DPY19L4: variants seen among roughly 807,000 people sequenced by gnomAD.
The protein encoded by DPY19L4 is probable C-mannosyltransferase DPY19L4.
DPY19L4 carries 97 observed loss-of-function variants against 102.8 expected under a neutral mutation model. The observed-to-expected ratio is 0.94, with a 90% CI of 0.80 to 1.12. The LOEUF is 1.12. Ranked by LOEUF, DPY19L4 falls within the 50% of genes most tolerant of loss-of-function variation. The pLI, the probability that DPY19L4 is intolerant of heterozygous loss-of-function variation, is 0.00. For missense variants in DPY19L4, 815 were observed against 850.4 expected (o/e 0.96, Z 0.52); for synonymous variants, 252 against 283.1 (o/e 0.89, Z 1.10).
At chr8:94,759,799 G>C (rs995937653) in intron 7 of DPY19L4, among the ~76,000 whole-genome samples, 1 of 152,108 alleles carries the variant, frequency 6.6e-6, no homozygotes, top group Non-Finnish European at 1.5e-5. Flanking sequence ...CACTGTGCCC[G>C]GCCCATGTAC....
At chr8:94,766,509 G>C in intron 10 of DPY19L4, 103 bp from the exon 11 acceptor site, 1 of 1,006,012 alleles carries the variant, frequency 9.9e-7, no homozygotes, top group Non-Finnish European at 1.5e-6. Flanking sequence ...TCATATTTTT[G>C]TTTTGTAGTC....
intron 6 of DPY19L4, among the ~76,000 whole-genome samples, chr8:94,752,695 C>T (rs1161387559): frequency 1.6e-4 from 22 of 140,898 alleles, no homozygotes; most frequent in Non-Finnish European, 1.7e-4. Flanking sequence ...GATGGAGTCT[C>T]GCTCTGTCAC....
At chr8:94,746,681 C>T (rs1377345070) in intron 6 of DPY19L4, among the ~76,000 whole-genome samples, 1 of 152,124 alleles carries the variant, frequency 6.6e-6, no homozygotes, top group Admixed American at 6.5e-5. Context: ...AAATATAAAA[C>T]ATAAAACTAG....
chr8:94,776,969 A>C (rs1039213266), intron 13 of DPY19L4, among the ~76,000 whole-genome samples: 7 of 152,062 alleles, frequency 4.6e-5, no homozygotes, highest in Non-Finnish European at 8.8e-5. Context: ...GCTTCAAAAA[A>C]AAAAAAAAAA....
intron 6 of DPY19L4, among the ~76,000 whole-genome samples, chr8:94,751,849 G>GTCA (rs1811946718): frequency 6.6e-6 from 1 of 152,140 alleles, no homozygotes; most frequent in African/African-American, 2.4e-5. Context: ...TATTAATGGA[G>GTCA]TCATACAGCA....
chr8:94,739,838 G>T, intron 6 of DPY19L4, 48 bp downstream of exon 6: 1 of 1,595,724 alleles, frequency 6.3e-7, no homozygotes, highest in Non-Finnish European at 8.5e-7. Flanking sequence ...TGTGGCTGTA[G>T]TAGTCAGAGT....
intron 6 of DPY19L4, chr8:94,744,931 A>C (rs1025249974): frequency 4.5e-6 from 1 of 223,446 alleles, no homozygotes; most frequent in Non-Finnish European, 9.0e-6. Flanking sequence ...CTTTTTGTTT[A>C]TATTTTATTG....
rs1185062485 is a variant in DPY19L4 at position 94,789,906 on chromosome 8, C to T, written c.2168C>T (p.Ser723Phe). The T allele has an allele frequency of 6.3e-7, 1 of 1,589,674 alleles. No individual in the cohort carries two copies. Among genetic ancestry groups the T allele is most frequent in the South Asian group, 1.2e-5 (1 of 85,204 alleles). The change falls in exon 19 of 19, where the codon TCT becomes TTT. Residue 723 changes from serine to phenylalanine, a missense_variant. Ser to Phe is a radical substitution (Grantham distance 155). Coordinates refer to ENST00000414645, the MANE Select transcript of DPY19L4 (RefSeq NM_181787.3). ...YKINTVISFQS is the reference protein window; with the variant it reads ...YKINTVISFQF Reference sequence around the variant, plus strand: ...ATCAACACTGTGATATCCTTCCAGTCTTGAAAAATAACAGAGCCTTCATTT... The same window carrying T: ...ATCAACACTGTGATATCCTTCCAGTTTTGAAAAATAACAGAGCCTTCATTT...
At chr8:94,734,960 CTGCAATTAACT>C (rs1397845252) in intron 3 of DPY19L4, among the ~76,000 whole-genome samples, 1 of 152,182 alleles carries the variant, frequency 6.6e-6, no homozygotes, top group Non-Finnish European at 1.5e-5. Context: ...GCTCCCCTTT[CTGCAATTAACT>C]TATCAGGGAC....
At chr8:94,773,014 C>A (rs1300917321) in intron 13 of DPY19L4, among the ~76,000 whole-genome samples, 1 of 151,992 alleles carries the variant, frequency 6.6e-6, no homozygotes, top group Non-Finnish European at 1.5e-5. Context: ...GAGTTTGAAA[C>A]CAGCCTGGCC....
At chr8:94,773,398 T>C (rs1813018712) in intron 13 of DPY19L4, among the ~76,000 whole-genome samples, 1 of 152,176 alleles carries the variant, frequency 6.6e-6, no homozygotes, top group African/African-American at 2.4e-5. Flanking sequence ...AAACTAAATG[T>C]TTAATAGAAT....
chr8:94,764,717 A>ATAT (rs1298234292), intron 8 of DPY19L4, among the ~76,000 whole-genome samples: 7 of 29,326 alleles, frequency 2.4e-4, no homozygotes, highest in African/African-American at 5.6e-4. Flanking sequence ...ATATATATAT[A>ATAT]TTTTTTTTTT....
chr8:94,730,227 T>A (rs1433016202), intron 2 of DPY19L4, among the ~76,000 whole-genome samples: 1 of 152,180 alleles, frequency 6.6e-6, no homozygotes, highest in African/African-American at 2.4e-5. Context: ...ATCACCATTT[T>A]ACAAATGAAG....
chr8:94,738,331 A>G, intron 3 of DPY19L4, 38 bp from the exon 4 acceptor site: 2 of 1,299,886 alleles, frequency 1.5e-6, no homozygotes, highest in Non-Finnish European at 1.0e-6. Flanking sequence ...AAAAAAAAAA[A>G]AAATTAAATT....
chr8:94,780,464 G>A, intron 15 of DPY19L4, 49 bp downstream of exon 15: 1 of 1,201,010 alleles, frequency 8.3e-7, no homozygotes, highest in East Asian at 2.8e-5. Context: ...TATCTACAAA[G>A]GTAGTGATAA....
At chr8:94,775,014 G>A (rs1461134627) in intron 13 of DPY19L4, among the ~76,000 whole-genome samples, 1 of 152,120 alleles carries the variant, frequency 6.6e-6, no homozygotes, top group Non-Finnish European at 1.5e-5. Context: ...AAGATGACAG[G>A]ATTTTCTTCT....
chr8:94,747,290 C>T (rs1028427292), intron 6 of DPY19L4, among the ~76,000 whole-genome samples: 21 of 152,092 alleles, frequency 1.4e-4, no homozygotes, highest in African/African-American at 4.6e-4. Flanking sequence ...TGGGCTCAAG[C>T]GATCTGCCTA....
At chr8:94,768,335 A>T (rs1464013611) in intron 11 of DPY19L4, 60 bp from the exon 12 acceptor site, 3 of 1,365,688 alleles carry the variant, frequency 2.2e-6, no homozygotes, top group Non-Finnish European at 3.0e-6. Flanking sequence ...TAAAAAAAAT[A>T]CTTCTGTGTT....
chr8:94,746,436 T>G (rs1811677604), intron 6 of DPY19L4, among the ~76,000 whole-genome samples: 1 of 152,186 alleles, frequency 6.6e-6, no homozygotes, highest in South Asian at 2.1e-4. Context: ...ATATAAAAAA[T>G]CAGAAGAGAA....
Sources: gnomAD v4.1 joint callset for allele counts (sites outside exome capture counted in the v4.1 genomes callset) on GRCh38, gnomAD v4.1.1 for gene constraint, MANE v1.5 for transcripts, NCBI Gene and HGNC (gene_info 2026-07-23, HGNC 2026-07-21) for gene names.